LPIN2: variants seen among roughly 807,000 people sequenced by gnomAD.
LPIN2 encodes the protein phosphatidate phosphatase LPIN2.
Under a neutral mutation model 111.4 loss-of-function variants are expected in LPIN2, and 55 were observed. That is an observed-to-expected ratio of 0.49 (90% CI 0.40 to 0.62). The LOEUF (loss-of-function observed/expected upper bound fraction) is 0.62. Among genes scored for constraint, LPIN2 ranks in the 20% least tolerant of loss-of-function variants. The probability of loss-of-function intolerance (pLI) is 0.00; values close to 1 mark genes in which losing one functional copy is unlikely to be tolerated. For synonymous variants in LPIN2, 425 were observed against 414.0 expected, an observed-to-expected ratio of 1.03 and a Z score of -0.32; for missense variants, 992 against 1,112.1, an observed-to-expected ratio of 0.89 and a Z score of 1.54.
chr18:3,006,604 G>A (rs148754550), intron 1 of LPIN2, among the ~76,000 whole-genome samples: 26 of 152,228 alleles, frequency 1.7e-4, no homozygotes, highest in East Asian at 7.7e-4. Context: ...TTGGGAGGCC[G>A]AGGCAGGGAG....
At chr18:2,958,436 T>C (rs1446399462) in intron 2 of LPIN2, among the ~76,000 whole-genome samples, 4 of 152,002 alleles carry the variant, frequency 2.6e-5, no homozygotes, top group Non-Finnish European at 4.4e-5. Context: ...ATTTGAAAAT[T>C]TGGGGTCTTA....
intron 1 of LPIN2, among the ~76,000 whole-genome samples, chr18:2,975,618 C>T (rs554500424): frequency 6.6e-6 from 1 of 152,236 alleles, no homozygotes; most frequent in East Asian, 1.9e-4. Context: ...CCACGCCTAG[C>T]CAAGCCTTTT....
At chr18:2,959,454 C>G (rs1052222000) in intron 2 of LPIN2, among the ~76,000 whole-genome samples, 1 of 152,202 alleles carries the variant, frequency 6.6e-6, no homozygotes, top group Non-Finnish European at 1.5e-5. Context: ...CTACCACATA[C>G]TTTTAGGTCT....
intron 1 of LPIN2, chr18:2,982,620 A>T (rs2078128506): frequency 1.1e-6 from 1 of 893,026 alleles, no homozygotes; most frequent in Non-Finnish European, 1.6e-6. Flanking sequence ...TAGTGTCCAG[A>T]TTGAGCAAGC....
At chr18:2,969,168 T>C (rs1752553372) in intron 1 of LPIN2, among the ~76,000 whole-genome samples, 1 of 152,218 alleles carries the variant, frequency 6.6e-6, no homozygotes, top group Non-Finnish European at 1.5e-5. Flanking sequence ...GTTTTAAAGC[T>C]TAAGAACTAA....
At chr18:3,007,057 ATC>A (rs371814990) in intron 1 of LPIN2, among the ~76,000 whole-genome samples, 5 of 140,016 alleles carry the variant, frequency 3.6e-5, no homozygotes, top group Admixed American at 3.4e-4. Context: ...ACAAAGCTTT[ATC>A]TCTCTCTCAA....
At chr18:2,967,370 A>C (rs1053388871) in intron 1 of LPIN2, among the ~76,000 whole-genome samples, 1 of 152,160 alleles carries the variant, frequency 6.6e-6, no homozygotes, top group Non-Finnish European at 1.5e-5. Context: ...AGTAACCTAG[A>C]GGTGGCCAAT....
intron 1 of LPIN2, among the ~76,000 whole-genome samples, chr18:2,994,443 G>T (rs1250390626): frequency 6.6e-6 from 1 of 152,248 alleles, no homozygotes; most frequent in Non-Finnish European, 1.5e-5. Flanking sequence ...GGCCATGGAG[G>T]CCGGGCCATG....
intron 4 of LPIN2, 33 bp from the exon 5 acceptor site, chr18:2,940,745 G>A (rs1453030833): frequency 5.5e-6 from 7 of 1,282,684 alleles, no homozygotes; most frequent in South Asian, 2.4e-5. Context: ...AGGCAGGAAC[G>A]ATGACATTCT....
At chr18:2,999,668 T>C (rs529105432) in intron 1 of LPIN2, among the ~76,000 whole-genome samples, 2 of 150,334 alleles carry the variant, frequency 1.3e-5, no homozygotes, top group Admixed American at 6.6e-5. Flanking sequence ...AAGAACGCCA[T>C]GTGAATATAA....
rs1036601277 is a variant in LPIN2, at chr18:2,934,251, A to C, written c.1268+100T>G. ...AGCCATCATCAGATTTAGCTAAAGGACACCATCATCTTGTTCCTTTTTCCT... is the reference window on the plus strand; with the variant it reads ...AGCCATCATCAGATTTAGCTAAAGGCCACCATCATCTTGTTCCTTTTTCCT... On this transcript the variant is annotated intron_variant, in intron 8 of 19. Coordinates refer to ENST00000677752, the MANE Select transcript of LPIN2 (RefSeq NM_001375808.2). 9 of 879,752 alleles carry C rather than the reference A, an allele frequency of 1.0e-5. No individual in the cohort carries two copies. In the African/African-American group the frequency reaches 1.2e-4, roughly 12 times the overall value. 54.5% of individuals were successfully genotyped at this position (879,752 alleles called of 1,614,324 possible).
intron 11 of LPIN2, 143 bp from the exon 12 acceptor site, chr18:2,927,954 G>A (rs2077159759): frequency 2.6e-6 from 2 of 759,050 alleles, no homozygotes; most frequent in African/African-American, 3.4e-5. Flanking sequence ...GATTCCTCTA[G>A]CGTTTTTAAC....
At chr18:2,985,633 C>T (rs901872554) in intron 1 of LPIN2, among the ~76,000 whole-genome samples, 54 of 152,054 alleles carry the variant, frequency 3.6e-4, no homozygotes, top group African/African-American at 1.3e-3. Flanking sequence ...GTTTTTTCTA[C>T]TACTAATCCC....
intron 1 of LPIN2, among the ~76,000 whole-genome samples, chr18:2,986,720 G>C (rs2078192379): frequency 6.6e-6 from 1 of 152,168 alleles, no homozygotes; most frequent in African/African-American, 2.4e-5. Flanking sequence ...ACAAATGTTT[G>C]AGGTCAAGCT....
chr18:2,987,759 T>C (rs1370682472), intron 1 of LPIN2, among the ~76,000 whole-genome samples: 2 of 152,124 alleles, frequency 1.3e-5, no homozygotes, highest in Non-Finnish European at 2.9e-5. Flanking sequence ...CCTTCTTCCA[T>C]CTATAGAAAC....
chr18:2,970,041 T>G (rs930786548), intron 1 of LPIN2, among the ~76,000 whole-genome samples: 1 of 152,212 alleles, frequency 6.6e-6, no homozygotes, highest in African/African-American at 2.4e-5. Flanking sequence ...TGGCAGTGCT[T>G]CTGTGAAAAA....
At chr18:2,945,964 C>T in intron 4 of LPIN2, 1 of 1,405,948 alleles carries the variant, frequency 7.1e-7, no homozygotes. Flanking sequence ...TCTACAACAG[C>T]TCCAGTATTT....
At chr18:2,920,735 C>A in intron 19 of LPIN2, 43 bp downstream of exon 19, 1 of 1,472,150 alleles carries the variant, frequency 6.8e-7, no homozygotes. Flanking sequence ...CAACTGTACC[C>A]CTGGCTGCAG....
At position 2,966,125 on chromosome 18, in the gene LPIN2, C is replaced by T. The variant is rs146393996; in HGVS notation, c.-9-5276G>A. ...TAATTCTTGTATTTTTTTGTAGAGACGGGGTTTTGCCATGTTGCCCAGGTT... is the reference window on the plus strand; with the variant it reads ...TAATTCTTGTATTTTTTTGTAGAGATGGGGTTTTGCCATGTTGCCCAGGTT... On this transcript the variant is annotated intron_variant, in intron 1 of 19. Coordinates refer to ENST00000677752, the MANE Select transcript of LPIN2 (RefSeq NM_001375808.2). Among the ~76,000 whole-genome samples the T allele has an allele frequency of 2.9e-3, 437 of 152,004 alleles. 2 individuals are homozygous for T. The highest frequency in any genetic ancestry group is 9.6e-3 in the African/African-American group (398 of 41,456).
Sources: gnomAD v4.1 joint callset for allele counts (sites outside exome capture counted in the v4.1 genomes callset) on GRCh38, gnomAD v4.1.1 for gene constraint, MANE v1.5 for transcripts, NCBI Gene and HGNC (gene_info 2026-07-23, HGNC 2026-07-21) for gene names.